SIPA1L1: variants seen among roughly 807,000 people sequenced by gnomAD.
SIPA1L1 encodes the protein signal-induced proliferation-associated 1-like protein 1.
Under a neutral mutation model 162.7 loss-of-function variants are expected in SIPA1L1, and 26 were observed. The ratio of observed to expected loss-of-function variants is 0.16; its 90% CI spans 0.12 to 0.22. The LOEUF is 0.22. Among genes scored for constraint, SIPA1L1 ranks in the 10% least tolerant of loss-of-function variants. SIPA1L1 has a pLI of 1.00. For missense variants in SIPA1L1, 1,874 were observed against 2,241.0 expected, an observed-to-expected ratio of 0.84 and a Z score of 3.31; for synonymous variants, 829 against 837.4, an observed-to-expected ratio of 0.99 and a Z score of 0.17.
At chr14:71,350,252 C>CACACACAA (rs989309224) in intron 2 of SIPA1L1, among the ~76,000 whole-genome samples, 2 of 151,744 alleles carry the variant, frequency 1.3e-5, no homozygotes, top group Admixed American at 1.3e-4. Flanking sequence ...CACACACACA[C>CACACACAA]ACACAATTAG....
At chr14:71,651,413 G>A (rs1379157106) in intron 8 of SIPA1L1, among the ~76,000 whole-genome samples, 1 of 152,166 alleles carries the variant, frequency 6.6e-6, no homozygotes, top group Non-Finnish European at 1.5e-5. Context: ...CTCCACTGCA[G>A]GGAAGAATTT....
chr14:71,657,362 A>AC (rs1018938859), intron 8 of SIPA1L1, among the ~76,000 whole-genome samples: 1 of 151,684 alleles, frequency 6.6e-6, no homozygotes, highest in African/African-American at 2.4e-5. Context: ...AAAAAAAAAA[A>AC]AAAAATTGGG....
At chr14:71,353,566 G>A (rs2036928525) in intron 2 of SIPA1L1, among the ~76,000 whole-genome samples, 1 of 152,118 alleles carries the variant, frequency 6.6e-6, no homozygotes, top group South Asian at 2.1e-4. Flanking sequence ...TAACAGAGTC[G>A]CTAGGCTGCT....
At chr14:71,320,815 G>T (rs573900791) in intron 1 of SIPA1L1, among the ~76,000 whole-genome samples, 3 of 152,156 alleles carry the variant, frequency 2.0e-5, no homozygotes, top group East Asian at 3.9e-4. Flanking sequence ...CGGGATGGGG[G>T]CGCTGAGCCT....
intron 7 of SIPA1L1, among the ~76,000 whole-genome samples, chr14:71,632,566 T>C (rs1215506184): frequency 3.3e-5 from 5 of 152,146 alleles, no homozygotes; most frequent in African/African-American, 1.2e-4. Context: ...GGAGTGGTAA[T>C]GAAGTGCCCC....
At chr14:71,645,191 C>T (rs1423755724) in intron 7 of SIPA1L1, among the ~76,000 whole-genome samples, 5 of 152,152 alleles carry the variant, frequency 3.3e-5, no homozygotes, top group Admixed American at 1.3e-4. Flanking sequence ...CTTTTGTCTC[C>T]GTTGTCTTTT....
chr14:71,605,125 G>C (rs1393971974), intron 5 of SIPA1L1, among the ~76,000 whole-genome samples: 2 of 151,788 alleles, frequency 1.3e-5, no homozygotes, highest in South Asian at 4.1e-4. Flanking sequence ...AAGATCTGTC[G>C]TCAAGTACTG....
At chr14:71,501,259 A>G (rs759414388) in intron 2 of SIPA1L1, among the ~76,000 whole-genome samples, 71 of 152,004 alleles carry the variant, frequency 4.7e-4, no homozygotes, top group Non-Finnish European at 8.1e-4. Context: ...AGTCGAGGCT[A>G]CAGTGAGCCA....
chr14:71,571,914 A>G (rs1304771774), intron 4 of SIPA1L1, among the ~76,000 whole-genome samples: 1 of 151,610 alleles, frequency 6.6e-6, no homozygotes, highest in African/African-American at 2.4e-5. Context: ...AGCCTCCCAA[A>G]GTGCTGGGAT....
chr14:71,679,993 A>G (rs1195162741), intron 12 of SIPA1L1, among the ~76,000 whole-genome samples: 2 of 152,184 alleles, frequency 1.3e-5, no homozygotes, highest in South Asian at 2.1e-4. Context: ...GGGAGACTTT[A>G]TCACCCGACT....
intron 4 of SIPA1L1, among the ~76,000 whole-genome samples, chr14:71,555,734 T>C (rs2056296395): frequency 6.6e-6 from 1 of 152,160 alleles, no homozygotes; most frequent in South Asian, 2.1e-4. Flanking sequence ...CAAGTTTCGC[T>C]TGAACTTAGA....
intron 2 of SIPA1L1, among the ~76,000 whole-genome samples, chr14:71,343,761 AGCAGCAT>A (rs1187888925): frequency 6.6e-6 from 1 of 152,224 alleles, no homozygotes; most frequent in African/African-American, 2.4e-5. Context: ...ATGCTGTGGA[AGCAGCAT>A]CTTGGGGAAG....
In SIPA1L1 at chr14:71,545,577, T is replaced by TTGTG. The variant is rs58582108; in HGVS notation, c.-303+16229_-303+16232dup. Among the ~76,000 whole-genome samples, 904 of 148,726 alleles carry TTGTG rather than the reference T, an allele frequency of 6.1e-3. 11 individuals are homozygous for TTGTG. Among genetic ancestry groups the TTGTG allele is most frequent in the African/African-American group, 0.02 (820 of 40,696 alleles). ...CCTAAATTCAGTTGCTAGTTCTAAT[T>TTGTG]TGTGTGTGTGTGTGTGTGTGTGTGT... On this transcript the variant is annotated intron_variant, in intron 4 of 23. Coordinates refer to ENST00000381232, the MANE Select transcript of SIPA1L1 (RefSeq NM_001386936.1).
chr14:71,612,758 T>C (rs2038378859), intron 5 of SIPA1L1, among the ~76,000 whole-genome samples: 2 of 152,212 alleles, frequency 1.3e-5, no homozygotes, highest in Non-Finnish European at 2.9e-5. Flanking sequence ...ATATATCTTA[T>C]AATCAGGTGA....
intron 2 of SIPA1L1, among the ~76,000 whole-genome samples, chr14:71,356,453 C>T (rs774215209): frequency 4.0e-5 from 6 of 149,746 alleles, no homozygotes; most frequent in South Asian, 2.1e-4. Context: ...CTTTTTGGGC[C>T]AGGCACGTGG....
chr14:71,621,064 C>T (rs139744299), intron 6 of SIPA1L1, among the ~76,000 whole-genome samples: 375 of 152,352 alleles, frequency 2.5e-3, no homozygotes, highest in Middle Eastern at 0.01. Context: ...CCCCTGAGAT[C>T]TGGTCTGTCA....
intron 2 of SIPA1L1, among the ~76,000 whole-genome samples, chr14:71,463,855 C>T (rs193166602): frequency 1.3e-5 from 2 of 152,354 alleles, no homozygotes; most frequent in Admixed American, 1.3e-4. Context: ...AATGCCAGAG[C>T]TCTACAGGAG....
At chr14:71,608,006 G>A (rs1292663267) in intron 5 of SIPA1L1, among the ~76,000 whole-genome samples, 2 of 152,100 alleles carry the variant, frequency 1.3e-5, no homozygotes, top group Non-Finnish European at 2.9e-5. Context: ...CTCATTCTGA[G>A]CCCTGAAATT....
At chr14:71,654,919 A>G (rs1596679524) in intron 8 of SIPA1L1, among the ~76,000 whole-genome samples, 1 of 152,278 alleles carries the variant, frequency 6.6e-6, no homozygotes, top group Admixed American at 6.5e-5. Context: ...ATATTATAAT[A>G]AGAGCATTGG....
Sources: allele counts gnomAD v4.1 joint callset (sites outside exome capture counted in the v4.1 genomes callset), GRCh38; gene constraint gnomAD v4.1.1; transcripts MANE v1.5; gene names NCBI Gene and HGNC (gene_info 2026-07-23, HGNC 2026-07-21).